The following BRAF variants were observed in gnomAD, a reference collection of about 807,000 sequenced individuals.
The protein encoded by BRAF is B-Raf proto-oncogene, serine/threonine kinase, also known as serine/threonine-protein kinase B-raf.
Under a neutral mutation model 104.6 loss-of-function variants are expected in BRAF, and 16 were observed. That is an observed-to-expected ratio of 0.15 (90% CI 0.10 to 0.23). The LOEUF (loss-of-function observed/expected upper bound fraction) is 0.23, where lower values mean the gene tolerates loss of function less well. Ranked by LOEUF, BRAF falls within the 10% of genes least tolerant of loss-of-function variation. BRAF has a pLI of 1.00. For synonymous variants in BRAF, 310 were observed against 341.6 expected (o/e 0.91, Z 1.02); for missense variants, 541 against 937.3 (o/e 0.58, Z 5.52).
intron 1 of BRAF, among the ~76,000 whole-genome samples, chr7:140,859,774 G>A (rs746725624): frequency 1.5e-4 from 22 of 143,642 alleles, no homozygotes; most frequent in Non-Finnish European, 2.5e-4. Context: ...TGCAACCTCC[G>A]CCTCCTGGGT....
intron 8 of BRAF, among the ~76,000 whole-genome samples, chr7:140,790,063 A>T (rs772414450): frequency 6.6e-6 from 1 of 151,986 alleles, no homozygotes; most frequent in Non-Finnish European, 1.5e-5. Flanking sequence ...TGATAACTAT[A>T]GGACTTGGTC....
intron 3 of BRAF, among the ~76,000 whole-genome samples, chr7:140,820,352 T>C (rs1805345506): frequency 6.6e-6 from 1 of 152,198 alleles, no homozygotes; most frequent in Admixed American, 6.5e-5. Flanking sequence ...AAGGTATTTA[T>C]CTTCCCCAAT....
chr7:140,882,157 T>C (rs1240329102), intron 1 of BRAF, among the ~76,000 whole-genome samples: 1 of 152,128 alleles, frequency 6.6e-6, no homozygotes, highest in Admixed American at 6.6e-5. Flanking sequence ...TAATTCCACA[T>C]ATAATTCCTG....
chr7:140,903,510 T>G (rs552497864), intron 1 of BRAF, among the ~76,000 whole-genome samples: 1 of 152,346 alleles, frequency 6.6e-6, no homozygotes, highest in African/African-American at 2.4e-5. Flanking sequence ...AGAGCTCTGA[T>G]GGAGAGCTAC....
At chr7:140,838,479 T>A (rs1428609051) in intron 2 of BRAF, among the ~76,000 whole-genome samples, 1 of 152,064 alleles carries the variant, frequency 6.6e-6, no homozygotes, top group South Asian at 2.1e-4. Context: ...CAAGACTCCA[T>A]CTCAAAAAAG....
chr7:140,853,400 G>A (rs1809413802), intron 1 of BRAF, among the ~76,000 whole-genome samples: 1 of 151,946 alleles, frequency 6.6e-6, no homozygotes, highest in South Asian at 2.1e-4. Context: ...CAGATCACAT[G>A]TCATTCTCTT....
At chr7:140,836,831 G>T (rs1474748262) in intron 2 of BRAF, among the ~76,000 whole-genome samples, 1 of 152,126 alleles carries the variant, frequency 6.6e-6, no homozygotes, top group South Asian at 2.1e-4. Context: ...TCACATAAAT[G>T]CAGTCTGGAA....
chr7:140,879,179 T>C (rs1353445785), intron 1 of BRAF, among the ~76,000 whole-genome samples: 5 of 151,784 alleles, frequency 3.3e-5, no homozygotes, highest in Non-Finnish European at 7.4e-5. Flanking sequence ...CGCCTGGCCA[T>C]AATTTATTTT....
At chr7:140,742,134 T>C (rs1377397332) in intron 17 of BRAF, among the ~76,000 whole-genome samples, 1 of 152,174 alleles carries the variant, frequency 6.6e-6, no homozygotes, top group African/African-American at 2.4e-5. Flanking sequence ...TAGAGTCAAG[T>C]ATCCCTGGGG....
chr7:140,779,374 G>A (rs950233368), intron 12 of BRAF, among the ~76,000 whole-genome samples: 2 of 152,150 alleles, frequency 1.3e-5, no homozygotes, highest in Non-Finnish European at 2.9e-5. Flanking sequence ...ATAGCTGGGA[G>A]TACAGGCACA....
chr7:140,878,815 A>C (rs976521236), intron 1 of BRAF, among the ~76,000 whole-genome samples: 10 of 152,228 alleles, frequency 6.6e-5, no homozygotes, highest in African/African-American at 2.4e-4. Context: ...AGCATTGCGC[A>C]CTGTATACCT....
At chr7:140,868,546 A>G (rs1311585400) in intron 1 of BRAF, among the ~76,000 whole-genome samples, 1 of 152,152 alleles carries the variant, frequency 6.6e-6, no homozygotes, top group East Asian at 1.9e-4. Flanking sequence ...CAGAGACAGA[A>G]ATTAGATTGC....
chr7:140,824,955 T>C (rs1367638673), intron 3 of BRAF, among the ~76,000 whole-genome samples: 1 of 151,704 alleles, frequency 6.6e-6, no homozygotes, highest in East Asian at 1.9e-4. Flanking sequence ...TTGTCCGTTT[T>C]TAATTGGGTT....
At chr7:140,885,145 T>C (rs1380880851) in intron 1 of BRAF, among the ~76,000 whole-genome samples, 1 of 152,036 alleles carries the variant, frequency 6.6e-6, no homozygotes, top group Admixed American at 6.6e-5. Context: ...AGGGACGGAT[T>C]ACAGGCATGT....
Position 140,726,471 on chromosome 7 carries a change from A to G in BRAF, c.*23T>C, listed in dbSNP as rs771715056. 5 of 1,536,424 alleles carry G rather than the reference A, an allele frequency of 3.3e-6. No homozygotes were observed. The highest frequency in any genetic ancestry group is 2.4e-5 in the South Asian group (2 of 84,056). On this transcript the variant is annotated 3_prime_UTR_variant, in exon 20 of 20. Coordinates refer to ENST00000644969, the MANE Select transcript of BRAF (RefSeq NM_001374258.1). ...ACGAACACAAGACTTAAGAAATAAGAGCAGATGCTGCCATGATGGTGGCTA... is the reference window on the plus strand; with the variant it reads ...ACGAACACAAGACTTAAGAAATAAGGGCAGATGCTGCCATGATGGTGGCTA...
intron 18 of BRAF, 76 bp downstream of exon 17, chr7:140,739,736 G>T: frequency 6.5e-7 from 1 of 1,547,264 alleles, no homozygotes; most frequent in Non-Finnish European, 8.9e-7. Flanking sequence ...TACACACTGT[G>T]TGCCCAAAAA....
chr7:140,921,465 T>A (rs779524203), intron 1 of BRAF, among the ~76,000 whole-genome samples: 12 of 152,038 alleles, frequency 7.9e-5, no homozygotes, highest in Non-Finnish European at 1.5e-4. Flanking sequence ...AAAATCTACA[T>A]CCTATGTTCA....
intron 1 of BRAF, among the ~76,000 whole-genome samples, chr7:140,876,443 C>T (rs1812273469): frequency 6.6e-6 from 1 of 152,108 alleles, no homozygotes; most frequent in Admixed American, 6.5e-5. Flanking sequence ...AAACAAATTA[C>T]TAAACTGGTA....
At chr7:140,889,305 G>T (rs1813944496) in intron 1 of BRAF, among the ~76,000 whole-genome samples, 1 of 152,122 alleles carries the variant, frequency 6.6e-6, no homozygotes, top group African/African-American at 2.4e-5. Context: ...TGGCCTAATG[G>T]TATGTTGTAA....
Sources: gnomAD v4.1 joint callset for allele counts (sites outside exome capture counted in the v4.1 genomes callset) on GRCh38, gnomAD v4.1.1 for gene constraint, MANE v1.5 for transcripts, NCBI Gene and HGNC (gene_info 2026-07-23, HGNC 2026-07-21) for gene names.